Variants in LRP2 observed in about 807,000 individuals in gnomAD.
LRP2 encodes low-density lipoprotein receptor-related protein 2.
In LRP2, 172 loss-of-function variants were observed where a neutral mutation model predicts 531.0. The ratio of observed to expected loss-of-function variants is 0.32; its 90% CI spans 0.29 to 0.37. LRP2 has a LOEUF of 0.37. Ranked by LOEUF, LRP2 falls within the 10% of genes least tolerant of loss-of-function variation. The pLI, the probability that LRP2 is intolerant of heterozygous loss-of-function variation, is 1.00. For synonymous variants in LRP2, 1,992 were observed against 2,027.6 expected, an observed-to-expected ratio of 0.98 and a Z score of 0.47; for missense variants, 5,167 against 5,868.3, an observed-to-expected ratio of 0.88 and a Z score of 3.90.
chr2:169,146,843 A>G lies in LRP2; in HGVS notation c.12707T>C (p.Ile4236Thr). Residue 4236 changes from isoleucine to threonine, a missense_variant, in exon 69 of 79, where the codon ATC (isoleucine) becomes ACC (threonine). By Grantham distance (89) the Ile-to-Thr change is moderately conservative (BLOSUM62 -1). Transcript: ENST00000649046. ...EDLGWPTGLSIDYLNNDRIYW... is the reference protein window; with the variant it reads ...EDLGWPTGLSTDYLNNDRIYW... The stretch of plus-strand genomic sequence containing the variant: ...GATTCGGTCATTGTTCAAATAATCG[A>G]TAGAAAGGCCAGTTGGCCAACCAAG... 6.2e-7 allele frequency: 1 copy of G among 1,614,188 alleles called. No individual in the cohort carries two copies. The highest frequency in any genetic ancestry group is 8.5e-7 in the Non-Finnish European group (1 of 1,180,022).
intron 3 of LRP2, among the ~76,000 whole-genome samples, chr2:169,317,397 T>G (rs1204271638): frequency 6.6e-6 from 1 of 152,204 alleles, no homozygotes; most frequent in Non-Finnish European, 1.5e-5. Flanking sequence ...AAGAACCTCC[T>G]CTCTGCCTGA....
chr2:169,178,811 G>A (rs1259174445), intron 52 of LRP2, among the ~76,000 whole-genome samples: 1 of 151,962 alleles, frequency 6.6e-6, no homozygotes, highest in Non-Finnish European at 1.5e-5. Context: ...ACTCAAACAG[G>A]AGATAGAACA....
chr2:169,174,809 C>CT (rs36105004), intron 55 of LRP2, among the ~76,000 whole-genome samples: 26,948 of 128,398 alleles, frequency 0.21, 3,063 homozygotes, highest in East Asian at 0.38. Flanking sequence ...TGTGCTCAGT[C>CT]TTTTTTTTTT....
At chr2:169,158,026 A>C (rs940435213) in intron 63 of LRP2, among the ~76,000 whole-genome samples, 2 of 150,446 alleles carry the variant, frequency 1.3e-5, no homozygotes, top group Non-Finnish European at 3.0e-5. Flanking sequence ...TTTTAAGAAG[A>C]CTATAATTTC....
intron 34 of LRP2, among the ~76,000 whole-genome samples, chr2:169,218,823 AC>A (rs1218879695): frequency 6.6e-6 from 1 of 152,100 alleles, no homozygotes. Context: ...ACTCAGAATG[AC>A]CTAGGAAGCC....
chr2:169,214,857 G>A (rs1334767021), intron 35 of LRP2, among the ~76,000 whole-genome samples: 1 of 152,204 alleles, frequency 6.6e-6, no homozygotes, highest in Admixed American at 6.5e-5. Context: ...AGGCCAGAGA[G>A]AGGTTGCTCA....
chr2:169,242,614 C>A (rs554992970), intron 24 of LRP2, among the ~76,000 whole-genome samples: 6 of 152,030 alleles, frequency 3.9e-5, no homozygotes, highest in Non-Finnish European at 7.4e-5. Flanking sequence ...TTAAAAGAAA[C>A]CAGTAAAATA....
At chr2:169,331,555 C>T (rs1032163912) in intron 1 of LRP2, among the ~76,000 whole-genome samples, 7 of 152,186 alleles carry the variant, frequency 4.6e-5, no homozygotes, top group Non-Finnish European at 7.3e-5. Flanking sequence ...AGACTTTCTT[C>T]TCCTCTGGCC....
At position 169,256,208 on chromosome 2, in the gene LRP2, A is replaced by G. The variant is rs763545971; in HGVS notation, c.2668T>C (p.Tyr890His). The G allele has an allele frequency of 6.2e-7, 1 of 1,612,848 alleles. No homozygotes were observed. The highest frequency in any genetic ancestry group is 8.5e-7 in the Non-Finnish European group (1 of 1,179,022). ...GTGCTGTGCTCAATTTTATCAAAAT[A>G]GGCATCTACCCAGTACAATCGTGAA... ...AASRLYWVDA[Y>H]FDKIEHSTFD... Residue 890 changes from tyrosine (Y) to histidine (H), a missense_variant, in exon 19 of 79, where the codon TAT becomes CAT. This residue lies in a region of LRP2 where 2,811 missense variants were observed against 3,058.0 expected (regional missense o/e 0.92). Transcript: ENST00000649046.
At chr2:169,302,743 G>GC (rs544182514) in intron 4 of LRP2, among the ~76,000 whole-genome samples, 1 of 147,904 alleles carries the variant, frequency 6.8e-6, no homozygotes, top group African/African-American at 2.5e-5. Flanking sequence ...AGTGACCTGG[G>GC]TTTTTTTTTT....
intron 62 of LRP2, 114 bp from the exon 63 acceptor site, chr2:169,162,714 T>G (rs1218085685): frequency 1.8e-6 from 2 of 1,088,254 alleles, no homozygotes; most frequent in Non-Finnish European, 2.7e-6. Context: ...TCCCTACATT[T>G]CCCAGTCTCC....
intron 13 of LRP2, chr2:169,275,458 A>G (rs992324094): frequency 1.9e-6 from 1 of 538,316 alleles, no homozygotes; most frequent in African/African-American, 1.9e-5. Flanking sequence ...TGAGACTTAC[A>G]TTCCAGTCCC....
At chr2:169,212,304 A>G (rs1688623142) in intron 36 of LRP2, 97 bp from the exon 37 acceptor site, 1 of 1,492,790 alleles carries the variant, frequency 6.7e-7, no homozygotes, top group Non-Finnish European at 9.3e-7. Flanking sequence ...ATTTATTCTA[A>G]AAATTAATAA....
intron 48 of LRP2, among the ~76,000 whole-genome samples, 171 bp downstream of exon 48, chr2:169,191,661 T>G (rs1377699887): frequency 6.6e-6 from 1 of 152,188 alleles, no homozygotes; most frequent in African/African-American, 2.4e-5. Context: ...CTTTCTTTGA[T>G]GTAAAAGTTT....
Position 169,163,785 on chromosome 2 carries a change from C to T in LRP2, c.11759-1185G>A, listed in dbSNP as rs888901600. 3.3e-5 allele frequency among the ~76,000 whole-genome samples: 5 copies of T among 152,144 alleles called. No homozygotes were observed. The East Asian group carries it at 7.7e-4, about 23-fold the overall frequency. Reference sequence around the variant, plus strand: ...AGCAAGAAGTGGGGTGAGAAAGCTGCCGTGCTGGCCCTAATGGTAGCATAT... The same window carrying T: ...AGCAAGAAGTGGGGTGAGAAAGCTGTCGTGCTGGCCCTAATGGTAGCATAT... On this transcript the variant is annotated intron_variant, in intron 62 of 78. Transcript: ENST00000649046.
At chr2:169,184,870 C>T (rs541926022) in intron 50 of LRP2, among the ~76,000 whole-genome samples, 2 of 152,208 alleles carry the variant, frequency 1.3e-5, no homozygotes, top group African/African-American at 4.8e-5. Context: ...AAGGGATCCT[C>T]CTACCTCAGC....
chr2:169,327,284 C>T (rs1418822830), intron 1 of LRP2, among the ~76,000 whole-genome samples: 4 of 110,088 alleles, frequency 3.6e-5, no homozygotes, highest in Admixed American at 8.4e-5. Flanking sequence ...GCCCCCCGCC[C>T]GGCCAGCCGC....
chr2:169,347,894 C>T (rs568821447), intron 1 of LRP2, among the ~76,000 whole-genome samples: 16 of 152,132 alleles, frequency 1.1e-4, no homozygotes, highest in Non-Finnish European at 2.4e-4. Context: ...GCAATGGTAC[C>T]AGCCTCTGAA....
chr2:169,176,294 C>T (rs1272774795), intron 54 of LRP2, 117 bp downstream of exon 54: 5 of 1,157,770 alleles, frequency 4.3e-6, no homozygotes, highest in Non-Finnish European at 1.3e-6. Context: ...CCACATGAAC[C>T]AAGTTAATTA....
Sources: gnomAD v4.1 joint callset for allele counts (sites outside exome capture counted in the v4.1 genomes callset) on GRCh38, gnomAD v4.1.1 for gene constraint, gnomAD v4.1.1 regional missense constraint, MANE v1.5 for transcripts, NCBI Gene and HGNC (gene_info 2026-07-23, HGNC 2026-07-21) for gene names.